Variants in DENND11 observed in about 807,000 individuals in gnomAD.
The protein encoded by DENND11 is DENN domain-containing protein 11.
In DENND11, 34 loss-of-function variants were observed where a neutral mutation model predicts 49.2. The observed-to-expected ratio is 0.69, with a 90% CI of 0.53 to 0.92. DENND11 has a LOEUF of 0.92. Ranked by LOEUF, DENND11 falls within the 40% of genes least tolerant of loss-of-function variation. The pLI, the probability that DENND11 is intolerant of heterozygous loss-of-function variation, is 0.00. For missense variants in DENND11, 475 were observed against 581.6 expected (o/e 0.82, Z 1.88); for synonymous variants, 238 against 230.3 (o/e 1.03, Z -0.30).
At position 141,686,788 on chromosome 7, in the gene DENND11, T is replaced by C. The variant is rs866519142; in HGVS notation, c.269-130A>G. ...CTCAGCCTCAGACAGACCAGCGAGA[T>C]GCTCAGAGCTCAGCCCCTCCATCAC... On this transcript the variant is annotated intron_variant, in intron 1 of 8. Coordinates refer to ENST00000536163, the MANE Select transcript of DENND11 (RefSeq NM_001080392.2). 9.2e-6 allele frequency: 6 copies of C among 649,360 alleles called. No individual in the cohort carries two copies. In the Middle Eastern group the frequency reaches 1.2e-3, roughly 132 times the overall value. The allele number at this position is 649,360 out of a possible 1,614,324, so 40.2% of individuals were successfully genotyped here. A position where few individuals can be genotyped will look rare whatever the true frequency, so the allele number is the denominator to read the frequency against.
chr7:141,688,590 A>T (rs892900695), intron 1 of DENND11, among the ~76,000 whole-genome samples: 5 of 152,194 alleles, frequency 3.3e-5, no homozygotes, highest in Non-Finnish European at 7.3e-5. Flanking sequence ...AAGAAAAAGC[A>T]CTCAGAAAGA....
rs1798533562 is a variant in DENND11, at chr7:141,702,158, A to G, written c.-5T>C. On this transcript the variant is annotated 5_prime_UTR_variant, in exon 1 of 9. Transcript: ENST00000536163. ...CGCGTCTCCCTGCTCCACCATGGCT[A>G]GGCGAGGCGGAGCCGCGGGCGCGAG... 1.0e-6 allele frequency: 1 copy of G among 968,390 alleles called. No individual in the cohort carries two copies. The highest frequency in any genetic ancestry group is 1.2e-6 in the Non-Finnish European group (1 of 817,212). The allele number at this position is 968,390 out of a possible 1,614,324, so 60.0% of individuals were successfully genotyped here. A position where few individuals can be genotyped will look rare whatever the true frequency, so the allele number is the denominator to read the frequency against.
intron 1 of DENND11, among the ~76,000 whole-genome samples, chr7:141,700,909 T>G (rs1316373435): frequency 6.6e-6 from 1 of 151,910 alleles, no homozygotes; most frequent in Admixed American, 6.6e-5. Flanking sequence ...GAACAGGCAC[T>G]CCACACTCCA....
chr7:141,664,900 C>A lies in DENND11; in HGVS notation c.1103+4G>T. The stretch of plus-strand genomic sequence containing the variant: ...CCCCTGGTTCTCCCCTTAGCTGCCA[C>A]TACCTCTGCTCGTTGAGCCGGCGGT... On this transcript the variant is annotated splice_donor_region_variant and intron_variant, in intron 7 of 8. Coordinates refer to ENST00000536163, the MANE Select transcript of DENND11 (RefSeq NM_001080392.2). 6.2e-7 allele frequency: 1 copy of A among 1,609,900 alleles called. No individual in the cohort carries two copies. The highest frequency in any genetic ancestry group is 8.5e-7 in the Non-Finnish European group (1 of 1,177,974).
At chr7:141,673,323 A>C (rs1002428148) in intron 4 of DENND11, among the ~76,000 whole-genome samples, 1 of 152,220 alleles carries the variant, frequency 6.6e-6, no homozygotes, top group African/African-American at 2.4e-5. Flanking sequence ...GGCACAATGC[A>C]TAACTCCCAG....
chr7:141,690,444 T>G (rs1406352337), intron 1 of DENND11, among the ~76,000 whole-genome samples: 1 of 152,184 alleles, frequency 6.6e-6, no homozygotes, highest in East Asian at 1.9e-4. Flanking sequence ...CATAACTGTC[T>G]GCCCAGTAGA....
intron 4 of DENND11, among the ~76,000 whole-genome samples, chr7:141,669,234 C>T (rs1797940185): frequency 6.6e-6 from 1 of 150,826 alleles, no homozygotes; most frequent in African/African-American, 2.4e-5. Flanking sequence ...TAAAAGCTTA[C>T]TTCTTTAAAG....
At chr7:141,690,288 C>T (rs908293065) in intron 1 of DENND11, among the ~76,000 whole-genome samples, 5 of 152,294 alleles carry the variant, frequency 3.3e-5, no homozygotes, top group Admixed American at 6.5e-5. Flanking sequence ...TAAAGGGCAT[C>T]GGCTTCTCCT....
chr7:141,674,259 AGTGAGAACAGCCCTGGT>A (rs748223350), intron 3 of DENND11, 39 bp from the exon 4 acceptor site: 1 of 1,505,012 alleles, frequency 6.6e-7, no homozygotes, highest in African/African-American at 1.4e-5. Flanking sequence ...ACACACACAC[AGTGAGAACAGCCCTGGT>A]CACAGCTCTG....
rs543206612 is a variant in DENND11, at chr7:141,683,482, A to G, written c.527+1996T>C. On this transcript the variant is annotated intron_variant, in intron 3 of 8. Coordinates refer to ENST00000536163, the MANE Select transcript of DENND11 (RefSeq NM_001080392.2). The stretch of plus-strand genomic sequence containing the variant: ...GGTGAAACCCCGTCTCTACTAAAAA[A>G]AAATAAATAAATTAGCCGGCTGTGG... Among the ~76,000 whole-genome samples the G allele has an allele frequency of 1.4e-4, 22 of 152,234 alleles. 1 individual carries two copies. In the East Asian group the frequency reaches 4.1e-3, roughly 28 times the overall value.
intron 3 of DENND11, among the ~76,000 whole-genome samples, chr7:141,677,390 C>CAAA (rs57034632): frequency 8.2e-6 from 1 of 121,756 alleles, no homozygotes; most frequent in Admixed American, 8.9e-5. Flanking sequence ...ACTCTTGTCT[C>CAAA]AAAAAAAAAA....
chr7:141,665,275 G>A lies in DENND11; in HGVS notation c.864C>T (p.Ile288=), dbSNP rs368996321. The stretch of plus-strand genomic sequence containing the variant: ...GTTTGGACTCAGGAATGGTGCCCCC[G>A]ATGCCAGGCAGTGAAACGTTGGCCA... ...CCLANVSLPG[I]GGTIPESKPF... Residue 288 remains isoleucine, a synonymous_variant, in exon 6 of 9, where the codon ATC becomes ATT. Transcript: ENST00000536163. The A allele has an allele frequency of 1.2e-6, 2 of 1,613,848 alleles. No individual in the cohort carries two copies. The highest frequency in any genetic ancestry group is 1.1e-5 in the South Asian group (1 of 91,010).
chr7:141,663,203 C>A (rs1797830985), intron 8 of DENND11: 1 of 197,640 alleles, frequency 5.1e-6, no homozygotes, highest in African/African-American at 2.3e-5. Flanking sequence ...TAGGAGGAAG[C>A]AAAAATTCAA....
chr7:141,673,982 T>G, intron 4 of DENND11, 85 bp downstream of exon 4: 1 of 1,453,484 alleles, frequency 6.9e-7, no homozygotes, highest in East Asian at 2.5e-5. Context: ...AAGACATAAA[T>G]TTTTTATTCA....
At position 141,662,679 on chromosome 7, in the gene DENND11, T is replaced by C. The variant is rs1797818126; in HGVS notation, c.1345A>G (p.Ile449Val). The change falls in exon 9 of 9, where the codon ATC (isoleucine) becomes GTC (valine). Residue 449 changes from isoleucine to valine, a missense_variant. By Grantham distance (29) the Ile-to-Val change is conservative (BLOSUM62 3). Coordinates refer to ENST00000536163, the MANE Select transcript of DENND11 (RefSeq NM_001080392.2). The stretch of plus-strand genomic sequence containing the variant: ...TCCTACGGGCAACAGGGGTTGTCGA[T>C]AACCAGCATGACATCAATGCCATAG... ...EAYGIDVMLVIDNPCCP is the reference protein window; with the variant it reads ...EAYGIDVMLVVDNPCCP 3 of 1,599,656 alleles carry C rather than the reference T, an allele frequency of 1.9e-6. No individual in the cohort carries two copies. Among genetic ancestry groups the C allele is most frequent in the Non-Finnish European group, 2.6e-6 (3 of 1,174,012 alleles).
chr7:141,695,153 G>T (rs1167181669), intron 1 of DENND11, among the ~76,000 whole-genome samples: 16 of 151,882 alleles, frequency 1.1e-4, no homozygotes, highest in Non-Finnish European at 2.2e-4. Context: ...TTTACTTCAT[G>T]ATTTTTTTTT....
At chr7:141,667,615 C>G (rs1464776324) in intron 4 of DENND11, among the ~76,000 whole-genome samples, 1 of 152,162 alleles carries the variant, frequency 6.6e-6, no homozygotes, top group African/African-American at 2.4e-5. Flanking sequence ...GAGCTCATCA[C>G]CCATCAGGGA....
chr7:141,670,388 A>T (rs898415125), intron 4 of DENND11, among the ~76,000 whole-genome samples: 2 of 152,184 alleles, frequency 1.3e-5, no homozygotes, highest in Non-Finnish European at 2.9e-5. Context: ...TCTCAGATTC[A>T]ACCAACTGCA....
At chr7:141,679,674 T>G (rs1446009521) in intron 3 of DENND11, among the ~76,000 whole-genome samples, 1 of 149,520 alleles carries the variant, frequency 6.7e-6, no homozygotes, top group East Asian at 2.0e-4. Flanking sequence ...ATCACACCAT[T>G]GCACTCCAGC....
Sources: allele counts gnomAD v4.1 joint callset (sites outside exome capture counted in the v4.1 genomes callset), GRCh38; gene constraint gnomAD v4.1.1; transcripts MANE v1.5; gene names NCBI Gene and HGNC (gene_info 2026-07-23, HGNC 2026-07-21).